Variants in ANK1 observed in about 807,000 individuals in gnomAD.
The protein encoded by ANK1 is ankyrin-1.
ANK1 carries 51 observed loss-of-function variants against 210.4 expected under a neutral mutation model. The observed-to-expected ratio is 0.24, with a 90% CI of 0.19 to 0.31. The LOEUF is 0.31. Ranked by LOEUF, ANK1 falls within the 10% of genes least tolerant of loss-of-function variation. The probability of loss-of-function intolerance (pLI) is 1.00; values close to 1 mark genes in which losing one functional copy is unlikely to be tolerated. For missense variants in ANK1, 2,051 were observed against 2,504.4 expected (o/e 0.82, Z 3.86); for synonymous variants, 967 against 1,025.9 (o/e 0.94, Z 1.10).
chr8:41,719,648 C>T lies in ANK1; in HGVS notation c.1107+13G>A. The T allele has an allele frequency of 6.2e-7, 1 of 1,614,190 alleles. No individual in the cohort carries two copies. Among genetic ancestry groups the T allele is most frequent in the Non-Finnish European group, 8.5e-7 (1 of 1,180,026 alleles). ...TGCCACTCTGCACCTTCTCCAGCAG[C>T]ACCCCCACTCACCAGGGCTCTGGAG... On this transcript the variant is annotated intron_variant, in intron 10 of 42. Coordinates refer to ENST00000289734, the MANE Select transcript of ANK1 (RefSeq NM_000037.4).
At chr8:41,763,786 C>T (rs1226815033) in intron 1 of ANK1, among the ~76,000 whole-genome samples, 4 of 151,742 alleles carry the variant, frequency 2.6e-5, no homozygotes, top group Non-Finnish European at 5.9e-5. Flanking sequence ...AAAATTGAGG[C>T]CCAGGGAAGT....
chr8:41,840,834 C>T (rs1236096996), intron 1 of ANK1, among the ~76,000 whole-genome samples: 2 of 152,154 alleles, frequency 1.3e-5, no homozygotes, highest in Non-Finnish European at 2.9e-5. Flanking sequence ...AAGAGTGGCC[C>T]GCTTGAAACG....
At chr8:41,862,383 G>A (rs1422171006) in intron 1 of ANK1, among the ~76,000 whole-genome samples, 1 of 152,170 alleles carries the variant, frequency 6.6e-6, no homozygotes, top group African/African-American at 2.4e-5. Context: ...GCACCTCCCA[G>A]CCCTGAACAG....
At chr8:41,841,616 T>G (rs1021044316) in intron 1 of ANK1, among the ~76,000 whole-genome samples, 1 of 152,038 alleles carries the variant, frequency 6.6e-6, no homozygotes, top group African/African-American at 2.4e-5. Context: ...GATGTATCTA[T>G]TACCATGATG....
Position 41,715,167 on chromosome 8 carries a change from C to T in ANK1, c.1603-93G>A, listed in dbSNP as rs376852010. On this transcript the variant is annotated intron_variant, in intron 14 of 42. Coordinates refer to ENST00000289734, the MANE Select transcript of ANK1 (RefSeq NM_000037.4). ...GCAAAGGAGGCTGCACCTCCGCTGGCATGGAGAGGCCAATGAAAGCAAAGG... is the reference window on the plus strand; with the variant it reads ...GCAAAGGAGGCTGCACCTCCGCTGGTATGGAGAGGCCAATGAAAGCAAAGG... The T allele has an allele frequency of 6.3e-4, 746 of 1,179,418 alleles. 7 individuals carry two copies. In the South Asian group the frequency reaches 9.2e-3, roughly 15 times the overall value. 73.1% of individuals were successfully genotyped at this position (1,179,418 alleles called of 1,614,324 possible). A position where few individuals can be genotyped will look rare whatever the true frequency, so the allele number is the denominator to read the frequency against.
At chr8:41,889,191 G>T (rs1818973394) in intron 1 of ANK1, among the ~76,000 whole-genome samples, 1 of 152,180 alleles carries the variant, frequency 6.6e-6, no homozygotes, top group African/African-American at 2.4e-5. Flanking sequence ...GCCTAGCATA[G>T]CTTTGAATAT....
intron 2 of ANK1, among the ~76,000 whole-genome samples, chr8:41,747,989 T>C (rs1179670695): frequency 6.6e-6 from 1 of 152,182 alleles, no homozygotes; most frequent in Non-Finnish European, 1.5e-5. Context: ...GTACAGAGGC[T>C]TGGGCTGGGT....
intron 2 of ANK1, among the ~76,000 whole-genome samples, chr8:41,737,206 G>A (rs1215330328): frequency 6.6e-6 from 1 of 152,196 alleles, no homozygotes; most frequent in East Asian, 1.9e-4. Context: ...GGCTGAGGTA[G>A]GAGAACAGTT....
chr8:41,715,910 A>T (rs1827541964), intron 13 of ANK1, 61 bp from the exon 14 acceptor site: 10 of 1,601,868 alleles, frequency 6.2e-6, no homozygotes, highest in South Asian at 1.1e-5. Flanking sequence ...CCAACTTTTC[A>T]TCTTACAGAG....
At chr8:41,885,782 A>C (rs1267354725) in intron 1 of ANK1, among the ~76,000 whole-genome samples, 1 of 152,238 alleles carries the variant, frequency 6.6e-6, no homozygotes, top group East Asian at 1.9e-4. Context: ...CCGCAGGAGA[A>C]TCTAGTGTCT....
chr8:41,671,745 C>T (rs2150561739), intron 38 of ANK1, among the ~76,000 whole-genome samples: 1 of 144,570 alleles, frequency 6.9e-6, no homozygotes, highest in African/African-American at 2.6e-5. Flanking sequence ...TAAGCCCTCC[C>T]AGTGCCCTAA....
Position 41,672,669 on chromosome 8 carries a change from T to A in ANK1, c.4781A>T (p.Asp1594Val). ...SLECSKAEDS[D>V]ATGHEWKLEG... Reference sequence around the variant, plus strand: ...CAACTTCCACTCGTGACCTGTGGCATCAGAGTCCTCAGCCTTGCTACACTC... The same window carrying A: ...CAACTTCCACTCGTGACCTGTGGCAACAGAGTCCTCAGCCTTGCTACACTC... Residue 1594 changes from aspartate (D) to valine (V), a missense_variant, in exon 38 of 43, where the codon GAT becomes GTT. This residue lies in a region of ANK1 where 496 missense variants were observed against 533.4 expected (regional missense o/e 0.93). Coordinates refer to ENST00000289734, the MANE Select transcript of ANK1 (RefSeq NM_000037.4). The A allele has an allele frequency of 1.2e-6, 2 of 1,614,182 alleles. No individual in the cohort carries two copies. The highest frequency in any genetic ancestry group is 1.7e-6 in the Non-Finnish European group (2 of 1,180,010).
At chr8:41,752,634 C>A (rs1217022438) in intron 2 of ANK1, among the ~76,000 whole-genome samples, 1 of 152,192 alleles carries the variant, frequency 6.6e-6, no homozygotes, top group Non-Finnish European at 1.5e-5. Flanking sequence ...CCACCACCCA[C>A]CTGCCGTGGA....
At chr8:41,671,283 G>A (rs1480418861) in intron 38 of ANK1, among the ~76,000 whole-genome samples, 1 of 152,182 alleles carries the variant, frequency 6.6e-6, no homozygotes, top group African/African-American at 2.4e-5. Flanking sequence ...GGGGGTAAGT[G>A]GGGAGGGCGC....
chr8:41,696,723 G>T lies in ANK1; in HGVS notation c.2688C>A (p.Thr896=). Reference sequence around the variant, plus strand: ...CCGGGCTGATGTTGTCTGAGGTCTCGGTGGCCGGGCTGCTGGGGATGAGGG... The same window carrying T: ...CCGGGCTGATGTTGTCTGAGGTCTCTGTGGCCGGGCTGCTGGGGATGAGGG... ...EDSLIPSSPA[T]ETSDNISPVA... The change falls in exon 25 of 43, where the codon ACC becomes ACA. Residue 896 remains threonine (T), a synonymous_variant. Transcript: ENST00000289734. The T allele has an allele frequency of 6.2e-7, 1 of 1,602,450 alleles. No homozygotes were observed. Among genetic ancestry groups the T allele is most frequent in the Non-Finnish European group, 8.5e-7 (1 of 1,179,934 alleles).
chr8:41,786,146 C>A (rs1846335961), intron 1 of ANK1, among the ~76,000 whole-genome samples: 1 of 152,224 alleles, frequency 6.6e-6, no homozygotes, highest in East Asian at 1.9e-4. Context: ...CCCATCTCCC[C>A]TTCCAGGCTC....
In ANK1 at chr8:41,655,631, C is replaced by T. The variant is rs1395043313; in HGVS notation, c.*159G>A. ...AGAGGGGACTAGCAGGAGTCCCTTA[C>T]AGAGGTCATGCCGTCAGCCCAGAGG... On this transcript the variant is annotated 3_prime_UTR_variant, in exon 43 of 43. Transcript: ENST00000289734. 3.7e-5 allele frequency: 54 copies of T among 1,472,822 alleles called. No homozygotes were observed. Among genetic ancestry groups the T allele is most frequent in the Admixed American group, 5.1e-5 (3 of 58,862 alleles). The allele number at this position is 1,472,822 out of a possible 1,614,324, so 91.2% of individuals were successfully genotyped here.
At position 41,835,479 on chromosome 8, in the gene ANK1, T is replaced by TA. The variant is rs976538218; in HGVS notation, c.126+60875dup. On this transcript the variant is annotated intron_variant, in intron 1 of 42. Transcript: ENST00000265709. ...AAATAAAATAAAATAAAAATTAAAT[T>TA]AAAAAAAAAAGCTAGCAGGCGTATA... is the stretch of plus-strand genomic sequence containing the variant. 7.4e-4 allele frequency among the ~76,000 whole-genome samples: 108 copies of TA among 146,338 alleles called. 2 individuals are homozygous for TA. In the East Asian group the frequency reaches 0.017, roughly 23 times the overall value.
chr8:41,724,517 T>C lies in ANK1; in HGVS notation c.650A>G (p.Glu217Gly). ...GAGCAACTGGGCCACGTTGAGGTTCTCGTAGTGAGCCGCAATGTGCAGGGG... is the reference window on the plus strand; with the variant it reads ...GAGCAACTGGGCCACGTTGAGGTTCCCGTAGTGAGCCGCAATGTGCAGGGG... ...FTPLHIAAHY[E>G]NLNVAQLLLN... The change falls in exon 7 of 43, where the codon GAG becomes GGG. Residue 217 changes from glutamate to glycine, a missense_variant. Physicochemically the swap from Glu to Gly is moderately conservative, Grantham distance 98 (BLOSUM62 -2). Coordinates refer to ENST00000289734, the MANE Select transcript of ANK1 (RefSeq NM_000037.4). 1 of 1,602,014 alleles carries C rather than the reference T, an allele frequency of 6.2e-7. No homozygotes were observed. The highest frequency in any genetic ancestry group is 1.3e-5 in the African/African-American group (1 of 74,878).
Sources: allele counts gnomAD v4.1 joint callset (sites outside exome capture counted in the v4.1 genomes callset), GRCh38; gene constraint gnomAD v4.1.1; regional missense constraint gnomAD v4.1.1; transcripts MANE v1.5; gene names NCBI Gene and HGNC (gene_info 2026-07-23, HGNC 2026-07-21).